Variants in RS1 observed in about 807,000 individuals in gnomAD.
The protein encoded by RS1 is retinoschisin.
RS1 carries 2 observed loss-of-function variants against 20.8 expected under a neutral mutation model. The observed-to-expected ratio is 0.10, with a 90% CI of 0.04 to 0.30. The LOEUF is 0.30. RS1 is among the 10% of genes least tolerant of loss of function. RS1 has a pLI of 1.00. For missense variants in RS1, 151 were observed against 189.8 expected (o/e 0.80, Z 1.20); for synonymous variants, 70 against 75.8 (o/e 0.92, Z 0.40).
intron 1 of RS1, among the ~76,000 whole-genome samples, chrX:18,659,410 G>A (rs1404326600): frequency 9.0e-6 from 1 of 111,062 alleles, no homozygotes; most frequent in African/African-American, 3.3e-5. Context: ...GGGTTGCAGT[G>A]AGCCGATATT....
chrX:18,655,528 A>C (rs1416146638), intron 3 of RS1, among the ~76,000 whole-genome samples: 2 of 111,894 alleles, frequency 1.8e-5, no homozygotes, highest in Non-Finnish European at 3.8e-5. Flanking sequence ...CACAAAACAC[A>C]GGTTTATTTT....
chrX:18,648,930 C>T (rs1186470861), intron 3 of RS1, among the ~76,000 whole-genome samples: 1 of 109,037 alleles, frequency 9.2e-6, no homozygotes, highest in Non-Finnish European at 1.9e-5. Context: ...CGTCTATAGT[C>T]CCAGCTACCG....
At chrX:18,652,692 T>A (rs1007564010) in intron 3 of RS1, among the ~76,000 whole-genome samples, 1 of 111,354 alleles carries the variant, frequency 9.0e-6, no homozygotes, top group African/African-American at 3.3e-5. Context: ...AAGGGGATCC[T>A]TATCAGACAC....
intron 4 of RS1, chrX:18,646,152 C>T (rs1569229755): frequency 1.8e-6 from 2 of 1,116,502 alleles, no homozygotes; most frequent in African/African-American, 3.7e-5. Flanking sequence ...CTGAATGAAA[C>T]TTTTTTTTTT....
At chrX:18,653,347 TG>T in intron 3 of RS1, 1 of 1,173,456 alleles carries the variant, frequency 8.5e-7, no homozygotes, top group Non-Finnish European at 1.1e-6. Context: ...TTCTGCTCCG[TG>T]GGGGGCCCGG....
chrX:18,661,474 A>G (rs980833161), intron 1 of RS1, among the ~76,000 whole-genome samples: 7 of 111,768 alleles, frequency 6.3e-5, no homozygotes, highest in African/African-American at 2.3e-4. Flanking sequence ...GGCTTGTGTT[A>G]GTCAGCCCCA....
chrX:18,669,014 G>A (rs921301415), intron 1 of RS1, among the ~76,000 whole-genome samples: 6 of 111,955 alleles, frequency 5.4e-5, no homozygotes, highest in Admixed American at 4.8e-4. Context: ...AAAAACCCCT[G>A]CAATCTCTGA....
At chrX:18,663,705 G>A (rs1602322877) in intron 1 of RS1, among the ~76,000 whole-genome samples, 1 of 110,997 alleles carries the variant, frequency 9.0e-6, no homozygotes, top group South Asian at 3.8e-4. Context: ...TCTTCACACC[G>A]CAATGTTGGG....
chrX:18,658,966 G>C (rs1221856560), intron 1 of RS1, among the ~76,000 whole-genome samples: 1 of 111,493 alleles, frequency 9.0e-6, no homozygotes, highest in Non-Finnish European at 1.9e-5. Context: ...CACAATCAAA[G>C]TATAAGTACC....
chrX:18,666,184 C>A (rs1244967176), intron 1 of RS1, among the ~76,000 whole-genome samples: 2 of 111,229 alleles, frequency 1.8e-5, no homozygotes, highest in African/African-American at 3.3e-5. Context: ...GGGGAGAATA[C>A]ATTAATGAAC....
In RS1 at chrX:18,640,427, T is replaced by TCCCCCCCCCCCCCCCCCC. The variant is rs1300468144; in HGVS notation, c.*1576_*1577insGGGGGGGGGGGGGGGGGG. Reference sequence around the variant, plus strand: ...CCTGTGTCCTAAGGCCAGGGATAAGTCCCCCCACCCCCCCCCCCCACCCCC... The same window carrying TCCCCCCCCCCCCCCCCCC: ...CCTGTGTCCTAAGGCCAGGGATAAGTCCCCCCCCCCCCCCCCCCCCCCCCACCCCCCCCCCCCACCCCC... On this transcript the variant is annotated 3_prime_UTR_variant, in exon 6 of 6. Coordinates refer to ENST00000379984, the MANE Select transcript of RS1 (RefSeq NM_000330.4). The TCCCCCCCCCCCCCCCCCC allele has an allele frequency of 3.2e-5, 1 of 31,593 alleles. No homozygotes were observed. Among genetic ancestry groups the TCCCCCCCCCCCCCCCCCC allele is most frequent in the East Asian group, 1.2e-3 (1 of 848 alleles). 2.6% of individuals were successfully genotyped at this position (31,593 alleles called of 1,213,427 possible).
At chrX:18,666,643 A>G (rs763862240) in intron 1 of RS1, among the ~76,000 whole-genome samples, 2 of 111,571 alleles carry the variant, frequency 1.8e-5, no homozygotes, top group Non-Finnish European at 3.8e-5. Context: ...GTGTGGCAAC[A>G]GGGTCCGGTT....
At chrX:18,663,194 A>G (rs1928347568) in intron 1 of RS1, among the ~76,000 whole-genome samples, 1 of 108,779 alleles carries the variant, frequency 9.2e-6, no homozygotes, top group South Asian at 4.0e-4. Flanking sequence ...ATGCGCCACC[A>G]TGCCTGGCTA....
intron 4 of RS1, among the ~76,000 whole-genome samples, chrX:18,645,180 G>T (rs1045405780): frequency 2.7e-5 from 3 of 111,929 alleles, no homozygotes; most frequent in African/African-American, 9.8e-5. Flanking sequence ...ATAAATCGTG[G>T]AAACCTATAG....
In RS1 at chrX:18,640,772, G is replaced by A. The variant is rs1403442061; in HGVS notation, c.*1232C>T. On this transcript the variant is annotated 3_prime_UTR_variant, in exon 6 of 6. Transcript: ENST00000379984. ...CCAGAACAGTCTTTAGAGCAGCCTCGTCCTCTGATTCCACCACCTGCTCTC... is the reference window on the plus strand; with the variant it reads ...CCAGAACAGTCTTTAGAGCAGCCTCATCCTCTGATTCCACCACCTGCTCTC... 1.8e-5 allele frequency: 2 copies of A among 112,236 alleles called. No homozygotes were observed. Among genetic ancestry groups the A allele is most frequent in the Non-Finnish European group, 3.8e-5 (2 of 53,180 alleles). 9.2% of individuals were successfully genotyped at this position (112,236 alleles called of 1,213,427 possible).
At chrX:18,658,756 C>T (rs921685323) in intron 1 of RS1, among the ~76,000 whole-genome samples, 1 of 106,871 alleles carries the variant, frequency 9.4e-6, no homozygotes, top group African/African-American at 3.4e-5. Flanking sequence ...CATGCCCGGC[C>T]CAAGGTTTCT....
intron 1 of RS1, 90 bp downstream of exon 1, chrX:18,671,927 A>G (rs1928496997): frequency 2.6e-6 from 2 of 760,226 alleles, no homozygotes; most frequent in South Asian, 2.2e-5. Flanking sequence ...TAATATTTAT[A>G]TTATTCAGGC....
intron 4 of RS1, 117 bp from the exon 5 acceptor site, chrX:18,644,742 G>T: frequency 2.9e-6 from 2 of 694,207 alleles, no homozygotes; most frequent in Non-Finnish European, 4.5e-6. Context: ...CCAAGCTCGG[G>T]CAGTCTGGGC....
At chrX:18,648,170 C>T (rs983837430) in intron 3 of RS1, among the ~76,000 whole-genome samples, 1 of 111,210 alleles carries the variant, frequency 9.0e-6, no homozygotes, top group African/African-American at 3.3e-5. Context: ...CCTGCAGTGG[C>T]AGGCACAGTG....
Sources: allele counts gnomAD v4.1 joint callset (sites outside exome capture counted in the v4.1 genomes callset), GRCh38; gene constraint gnomAD v4.1.1; transcripts MANE v1.5; gene names NCBI Gene and HGNC (gene_info 2026-07-23, HGNC 2026-07-21).